The following ZUP1 variants were observed in gnomAD, a reference collection of about 807,000 sequenced individuals.
ZUP1 encodes the protein zinc finger-containing ubiquitin peptidase 1.
A neutral mutation model predicts 68.1 loss-of-function variants in ZUP1; 55 were observed. That is an observed-to-expected ratio of 0.81 (90% CI 0.65 to 1.01). The LOEUF is 1.01. Among genes scored for constraint, ZUP1 ranks in the 50% least tolerant of loss-of-function variants. The pLI, the probability that ZUP1 is intolerant of heterozygous loss-of-function variation, is 0.00. For synonymous variants in ZUP1, 223 were observed against 221.5 expected (o/e 1.01, Z -0.06); for missense variants, 684 against 674.9 (o/e 1.01, Z -0.15).
chr6:116,642,112 T>C lies in ZUP1; in HGVS notation c.1689+3602A>G, dbSNP rs553013780. ...AGAAATGGATAAATTCCTCGAAACA[T>C]ACATTCTCCCAAGACTAAATCAGGA... On this transcript the variant is annotated intron_variant, in intron 9 of 9. Transcript: ENST00000368576. 3.3e-3 allele frequency among the ~76,000 whole-genome samples: 497 copies of C among 152,018 alleles called. 4 individuals are homozygous for C. Among genetic ancestry groups the C allele is most frequent in the African/African-American group, 0.012 (479 of 41,318 alleles).
intron 9 of ZUP1, among the ~76,000 whole-genome samples, chr6:116,641,064 A>C (rs1225801593): frequency 2.0e-5 from 3 of 149,942 alleles, no homozygotes; most frequent in African/African-American, 7.5e-5. Context: ...ACAGACTTTA[A>C]ATCAACAAAG....
intron 1 of ZUP1, among the ~76,000 whole-genome samples, chr6:116,668,119 C>T (rs1037698026): frequency 6.6e-6 from 1 of 152,222 alleles, no homozygotes; most frequent in African/African-American, 2.4e-5. Flanking sequence ...AGTAATGACA[C>T]TATCACTTCA....
intron 9 of ZUP1, among the ~76,000 whole-genome samples, chr6:116,641,509 C>G (rs1341094481): frequency 1.3e-5 from 2 of 151,926 alleles, no homozygotes; most frequent in Non-Finnish European, 2.9e-5. Flanking sequence ...ACAGTGCAAG[C>G]AAACTAGAAC....
intron 9 of ZUP1, among the ~76,000 whole-genome samples, chr6:116,644,078 T>G (rs1438567009): frequency 1.3e-5 from 2 of 151,986 alleles, no homozygotes; most frequent in African/African-American, 4.8e-5. Context: ...GCCAAAAGAC[T>G]CATGAAAAAA....
intron 9 of ZUP1, among the ~76,000 whole-genome samples, chr6:116,638,565 T>A (rs1775974187): frequency 6.6e-6 from 1 of 152,248 alleles, no homozygotes; most frequent in African/African-American, 2.4e-5. Flanking sequence ...CATATTTTAA[T>A]AAACCACAAT....
chr6:116,655,058 A>C (rs1485950671), intron 5 of ZUP1, among the ~76,000 whole-genome samples: 1 of 152,096 alleles, frequency 6.6e-6, no homozygotes, highest in Non-Finnish European at 1.5e-5. Flanking sequence ...GAAAACTGGA[A>C]GCAATCTAAA....
At chr6:116,659,047 G>T in intron 3 of ZUP1, 123 bp from the exon 4 acceptor site, 1 of 860,358 alleles carries the variant, frequency 1.2e-6, no homozygotes, top group Non-Finnish European at 1.7e-6. Context: ...TGACTGTGAT[G>T]ATATGGAACT....
At chr6:116,660,904 C>CTT (rs368048094) in intron 2 of ZUP1, 58 bp from the exon 3 acceptor site, 1,691 of 811,208 alleles carry the variant, frequency 2.1e-3, no homozygotes, top group South Asian at 3.2e-3. Context: ...TTTTTCTTTG[C>CTT]TTTTTTTTTT....
chr6:116,667,553 C>G (rs962444014), intron 1 of ZUP1, among the ~76,000 whole-genome samples: 2 of 151,958 alleles, frequency 1.3e-5, no homozygotes, highest in Non-Finnish European at 2.9e-5. Context: ...TATTTATCAA[C>G]TGATATATCT....
In ZUP1 at chr6:116,635,880, CT is replaced by C; in HGVS notation, c.1690-2del. 1 of 1,580,330 alleles carries C rather than the reference CT, an allele frequency of 6.3e-7. No homozygotes were observed. On this transcript the variant is annotated splice_acceptor_variant, in intron 9 of 9. Coordinates refer to ENST00000368576, the MANE Select transcript of ZUP1 (RefSeq NM_145062.3). LOFTEE classifies it high-confidence loss of function. Reference sequence around the variant, plus strand: ...AGACTTGAGAAGCTTGTCTCCTGGCCTTGAAAAGAAATTTTAAAAAACAATT... The same window carrying C: ...AGACTTGAGAAGCTTGTCTCCTGGCCTGAAAAGAAATTTTAAAAAACAATT...
At chr6:116,638,149 C>A (rs974577758) in intron 9 of ZUP1, among the ~76,000 whole-genome samples, 1 of 150,750 alleles carries the variant, frequency 6.6e-6, no homozygotes, top group African/African-American at 2.4e-5. Context: ...ATTTCAAAAA[C>A]TTACAGTCCT....
At chr6:116,666,587 A>G in intron 2 of ZUP1, 47 bp downstream of exon 2, 1 of 1,459,948 alleles carries the variant, frequency 6.8e-7, no homozygotes, top group Non-Finnish European at 9.1e-7. Context: ...ACCACATATT[A>G]AATTGAGGCT....
intron 3 of ZUP1, among the ~76,000 whole-genome samples, chr6:116,659,566 A>G (rs751082512): frequency 1.2e-4 from 18 of 152,124 alleles, no homozygotes; most frequent in Non-Finnish European, 2.4e-4. Flanking sequence ...TCCTGCATTG[A>G]TACTCCTTAA....
At position 116,652,138 on chromosome 6, in the gene ZUP1, C is replaced by T. The variant is rs777517787; in HGVS notation, c.1016G>A (p.Arg339Gln). ...YYQNAATDVR[R>Q]VWLSSVVDHF... ...ATCCACCACTGAAGAAAGCCACACCCGTCTCACATCTGTGGCAGCATTCTG... is the reference window on the plus strand; with the variant it reads ...ATCCACCACTGAAGAAAGCCACACCTGTCTCACATCTGTGGCAGCATTCTG... The change falls in exon 6 of 10, where the codon CGG (arginine) becomes CAG (glutamine). Residue 339 changes from arginine to glutamine, a missense_variant. Physicochemically the swap from Arg to Gln is conservative, Grantham distance 43. Coordinates refer to ENST00000368576, the MANE Select transcript of ZUP1 (RefSeq NM_145062.3). 2.5e-6 allele frequency: 4 copies of T among 1,613,970 alleles called. No individual in the cohort carries two copies. The highest frequency in any genetic ancestry group is 4.5e-5 in the East Asian group (2 of 44,870).
At chr6:116,641,430 T>C (rs1403497893) in intron 9 of ZUP1, among the ~76,000 whole-genome samples, 1 of 152,040 alleles carries the variant, frequency 6.6e-6, no homozygotes, top group African/African-American at 2.4e-5. Context: ...ATTGACCACA[T>C]ACTTGGAAGT....
At chr6:116,665,098 G>T (rs187965762) in intron 2 of ZUP1, among the ~76,000 whole-genome samples, 97 of 151,800 alleles carry the variant, frequency 6.4e-4, no homozygotes, top group African/African-American at 2.3e-3. Flanking sequence ...GATTAGTATT[G>T]AAAATATATT....
At chr6:116,661,887 G>C (rs1562411404) in intron 2 of ZUP1, among the ~76,000 whole-genome samples, 1 of 152,204 alleles carries the variant, frequency 6.6e-6, no homozygotes, top group South Asian at 2.1e-4. Context: ...AAACAGCTAA[G>C]AAATCTACAA....
At chr6:116,666,265 A>G (rs1438294508) in intron 2 of ZUP1, among the ~76,000 whole-genome samples, 1 of 152,160 alleles carries the variant, frequency 6.6e-6, no homozygotes, top group Non-Finnish European at 1.5e-5. Flanking sequence ...AAAAGAACTG[A>G]TATCACAGAG....
intron 5 of ZUP1, among the ~76,000 whole-genome samples, chr6:116,655,776 T>C (rs1267019491): frequency 6.6e-6 from 1 of 152,166 alleles, no homozygotes; most frequent in Non-Finnish European, 1.5e-5. Context: ...TATATAACAG[T>C]ACAGGAGAGG....
Sources: gnomAD v4.1 joint callset for allele counts (sites outside exome capture counted in the v4.1 genomes callset) on GRCh38, gnomAD v4.1.1 for gene constraint, MANE v1.5 for transcripts, NCBI Gene and HGNC (gene_info 2026-07-23, HGNC 2026-07-21) for gene names.